QTMAN: variants seen among roughly 807,000 people sequenced by gnomAD.
The protein encoded by QTMAN is tRNA-queuosine alpha-mannosyltransferase.
the QTMAN span, among the ~76,000 whole-genome samples, chr2:143,981,194 A>G: frequency 6.6e-6 from 1 of 152,356 alleles, no homozygotes; most frequent in South Asian, 2.1e-4. Flanking sequence ...AGACCGACAC[A>G]TCAGAGAAAC....
At chr2:144,213,584 T>C in the QTMAN span, among the ~76,000 whole-genome samples, 1 of 152,184 alleles carries the variant, frequency 6.6e-6, no homozygotes, top group Non-Finnish European at 1.5e-5. Context: ...CTTTCTGTTA[T>C]TAGTTAGTTG....
chr2:144,221,843 GTTT>G, the QTMAN span, among the ~76,000 whole-genome samples: 74 of 152,164 alleles, frequency 4.9e-4, no homozygotes, highest in Non-Finnish European at 8.5e-4. Flanking sequence ...GCATCATTTA[GTTT>G]GCAAATACTG....
chr2:144,045,432 T>A, the QTMAN span, among the ~76,000 whole-genome samples: 1 of 152,226 alleles, frequency 6.6e-6, no homozygotes, highest in African/African-American at 2.4e-5. Flanking sequence ...AAGCAGAAGA[T>A]GCAAGATTTG....
chr2:143,944,405 C>T, the QTMAN span: 2 of 151,694 alleles, frequency 1.3e-5, no homozygotes, highest in East Asian at 1.9e-4. Flanking sequence ...ATAAGTGACA[C>T]CTTTAATGTA....
chr2:144,004,191 A>G, the QTMAN span, among the ~76,000 whole-genome samples: 1 of 152,046 alleles, frequency 6.6e-6, no homozygotes, highest in Non-Finnish European at 1.5e-5. Context: ...AGGGAGTTAA[A>G]GCAGCTCAAA....
At chr2:144,019,504 A>T in the QTMAN span, among the ~76,000 whole-genome samples, 1 of 147,398 alleles carries the variant, frequency 6.8e-6, no homozygotes, top group Non-Finnish European at 1.5e-5. Flanking sequence ...AGACAAGAAG[A>T]AGGTTGCGTG....
At chr2:143,972,901 T>C in the QTMAN span, among the ~76,000 whole-genome samples, 1 of 152,190 alleles carries the variant, frequency 6.6e-6, no homozygotes, top group African/African-American at 2.4e-5. Context: ...GAACATAGAT[T>C]AGCCTGAAAC....
At chr2:144,031,817 T>C in the QTMAN span, among the ~76,000 whole-genome samples, 41 of 152,186 alleles carry the variant, frequency 2.7e-4, no homozygotes, top group African/African-American at 9.6e-4. Context: ...GAGTCAGAGG[T>C]GCGATCTTGG....
the QTMAN span, among the ~76,000 whole-genome samples, chr2:143,996,914 A>G: frequency 6.6e-6 from 1 of 152,248 alleles, no homozygotes; most frequent in South Asian, 2.1e-4. Flanking sequence ...TTACATGATT[A>G]GGAATAGTTT....
chr2:144,309,970 CA>C, the QTMAN span, among the ~76,000 whole-genome samples: 1 of 152,088 alleles, frequency 6.6e-6, no homozygotes, highest in Admixed American at 6.5e-5. Context: ...CAGGAGTAAA[CA>C]AAACATAAAA....
chr2:144,040,344 C>T, the QTMAN span, among the ~76,000 whole-genome samples: 2 of 152,026 alleles, frequency 1.3e-5, no homozygotes, highest in South Asian at 2.1e-4. Context: ...TTATCACTTG[C>T]TTCTGCTTGA....
At chr2:143,950,799 G>A in the QTMAN span, 1 of 151,842 alleles carries the variant, frequency 6.6e-6, no homozygotes, top group Non-Finnish European at 1.5e-5. Flanking sequence ...TTGAACGACT[G>A]TTTTCTCTGT....
chr2:144,194,074 C>T, the QTMAN span, among the ~76,000 whole-genome samples: 1 of 152,106 alleles, frequency 6.6e-6, no homozygotes, highest in South Asian at 2.1e-4. Flanking sequence ...CTCCTACTCA[C>T]ATTTTAAAAT....
At chr2:144,012,156 C>A in the QTMAN span, among the ~76,000 whole-genome samples, 5 of 152,118 alleles carry the variant, frequency 3.3e-5, no homozygotes, top group African/African-American at 1.2e-4. Flanking sequence ...CCCTCAGACT[C>A]CTTTCCTTCC....
chr2:144,108,320 T>C, the QTMAN span, among the ~76,000 whole-genome samples: 1 of 152,186 alleles, frequency 6.6e-6, no homozygotes, highest in Non-Finnish European at 1.5e-5. Flanking sequence ...AAATTGTTCC[T>C]GTTTGCAGAT....
chr2:144,331,779 T>C, the QTMAN span, among the ~76,000 whole-genome samples: 3 of 152,206 alleles, frequency 2.0e-5, no homozygotes, highest in Non-Finnish European at 2.9e-5. Context: ...TGGGAAGTTA[T>C]GTGCTTAATC....
the QTMAN span, among the ~76,000 whole-genome samples, chr2:144,163,346 C>T: frequency 2.6e-5 from 4 of 151,684 alleles, no homozygotes; most frequent in African/African-American, 9.7e-5. Flanking sequence ...TGCCTATTAC[C>T]TTTTGAATTA....
At chr2:144,041,752 T>C in the QTMAN span, among the ~76,000 whole-genome samples, 15,484 of 152,050 alleles carry the variant, frequency 0.1, 1,206 homozygotes, top group East Asian at 0.26. Flanking sequence ...TGCTGCAAGC[T>C]TGTAGGAGAG....
chr2:144,175,357 A>G, the QTMAN span, among the ~76,000 whole-genome samples: 1 of 152,282 alleles, frequency 6.6e-6, no homozygotes, highest in East Asian at 1.9e-4. Context: ...TCCTAACATC[A>G]AAAGAACTAT....
Sources: allele counts gnomAD v4.1 joint callset (sites outside exome capture counted in the v4.1 genomes callset), GRCh38; gene constraint gnomAD v4.1.1; transcripts MANE v1.5; gene names NCBI Gene and HGNC (gene_info 2026-07-23, HGNC 2026-07-21).